ZNF160: variants seen among roughly 807,000 people sequenced by gnomAD.
ZNF160 encodes KRAB zinc finger protein KR18.
Under a neutral mutation model 13.1 loss-of-function variants are expected in ZNF160, and 9 were observed. The ratio of observed to expected loss-of-function variants is 0.69; its 90% CI spans 0.41 to 1.20. The LOEUF (loss-of-function observed/expected upper bound fraction) is 1.20, where lower values mean the gene tolerates loss of function less well. Ranked by LOEUF, ZNF160 falls within the 50% of genes most tolerant of loss-of-function variation. The pLI is 0.01. For missense variants in ZNF160, 838 were observed against 988.0 expected (o/e 0.85, Z 2.04); for synonymous variants, 293 against 333.2 (o/e 0.88, Z 1.31).
intron 3 of ZNF160, 49 bp downstream of exon 3, chr19:53,086,213 G>C: frequency 6.5e-7 from 1 of 1,546,678 alleles, no homozygotes; most frequent in Non-Finnish European, 8.8e-7. Flanking sequence ...CCAATGCCAG[G>C]CATTTCAGGA....
chr19:53,078,403 C>G (rs945007006), intron 3 of ZNF160, among the ~76,000 whole-genome samples: 5 of 151,430 alleles, frequency 3.3e-5, no homozygotes, highest in African/African-American at 4.9e-5. Context: ...AAGTGAGACC[C>G]CATCTCTAAA....
intron 1 of ZNF160, among the ~76,000 whole-genome samples, chr19:53,096,761 C>T (rs1030747543): frequency 3.1e-5 from 4 of 127,218 alleles, no homozygotes; most frequent in Admixed American, 3.1e-4. Context: ...CAGACCAACC[C>T]GTCCTCTCCC....
chr19:53,089,668 T>C (rs1315002630), intron 2 of ZNF160, among the ~76,000 whole-genome samples: 1 of 152,174 alleles, frequency 6.6e-6, no homozygotes, highest in Non-Finnish European at 1.5e-5. Flanking sequence ...ATCTGTTAGA[T>C]TATAAAGACA....
chr19:53,074,321 G>A, intron 4 of ZNF160, 53 bp from the exon 5 acceptor site: 3 of 1,604,732 alleles, frequency 1.9e-6, no homozygotes, highest in Non-Finnish European at 2.6e-6. Context: ...CAGAATCCCA[G>A]CCCTATGTTT....
intron 5 of ZNF160, 134 bp downstream of exon 5, chr19:53,074,006 T>G (rs1347302571): frequency 1.2e-6 from 1 of 801,194 alleles, no homozygotes; most frequent in Non-Finnish European, 2.0e-6. Flanking sequence ...GTCAGGCTGG[T>G]CTCGAACTCC....
At position 53,069,328 on chromosome 19, in the gene ZNF160, G is replaced by T; in HGVS notation, c.1206C>A (p.Cys402Ter). 1 of 1,612,910 alleles carries T rather than the reference G, an allele frequency of 6.2e-7. No homozygotes were observed. Among genetic ancestry groups the T allele is most frequent in the Non-Finnish European group, 8.5e-7 (1 of 1,179,492 alleles). Residue 402 changes from cysteine to a stop codon, truncating the protein, a stop_gained, in exon 6 of 6, where the codon TGC becomes TGA. Transcript: ENST00000683776. LOFTEE classifies it low-confidence loss of function (END_TRUNC). The surrounding 1 kb of genome is among the most constrained non-coding windows in gnomAD (Gnocchi z 4.4). The part of the protein sequence containing the change: ...TGEKPYKCNE[C>*]GKAFSVRSSL... Reference sequence around the variant, plus strand: ...TTGAACGAACACTAAAGGCTTTGCCGCACTCATTGCACTTGTAAGGTTTCT... The same window carrying T: ...TTGAACGAACACTAAAGGCTTTGCCTCACTCATTGCACTTGTAAGGTTTCT...
chr19:53,077,771 AT>A (rs1000362085), intron 3 of ZNF160, among the ~76,000 whole-genome samples: 4 of 151,772 alleles, frequency 2.6e-5, no homozygotes, highest in African/African-American at 9.7e-5. Flanking sequence ...ATATATATAT[AT>A]ATACATTATC....
chr19:53,076,933 T>A (rs934538836), intron 3 of ZNF160: 2 of 152,206 alleles, frequency 1.3e-5, no homozygotes, highest in Non-Finnish European at 2.9e-5. Context: ...TCTTTTTTCC[T>A]GTAACACAAC....
intron 3 of ZNF160, chr19:53,076,873 G>A (rs1161502090): frequency 3.9e-5 from 6 of 152,148 alleles, no homozygotes; most frequent in Admixed American, 3.9e-4. Context: ...ATTTTCTCCT[G>A]GGGAGAGAAA....
chr19:53,075,788 T>G (rs748642538), intron 3 of ZNF160: 1 of 518,972 alleles, frequency 1.9e-6, no homozygotes, highest in South Asian at 1.4e-5. Flanking sequence ...TCAAGCAAAC[T>G]AATCAATTTC....
At chr19:53,073,280 A>G in intron 5 of ZNF160, 1 of 1,553,664 alleles carries the variant, frequency 6.4e-7, no homozygotes, top group South Asian at 1.2e-5. Context: ...TGTAAGACTG[A>G]GGATCAATGA....
chr19:53,094,574 C>CA (rs2145955406), intron 1 of ZNF160, among the ~76,000 whole-genome samples: 2 of 152,214 alleles, frequency 1.3e-5, no homozygotes, highest in Non-Finnish European at 2.9e-5. Flanking sequence ...CACCTGCAAA[C>CA]AAAATGAGTT....
At position 53,067,684 on chromosome 19, in the gene ZNF160, G is replaced by A. The variant is rs893958293; in HGVS notation, c.*393C>T. 17 of 161,868 alleles carry A rather than the reference G, an allele frequency of 1.1e-4. No homozygotes were observed. The highest frequency in any genetic ancestry group is 9.3e-4 in the Admixed American group (15 of 16,130). The allele number at this position is 161,868 out of a possible 1,614,324, so 10.0% of individuals were successfully genotyped here. A position where few individuals can be genotyped will look rare whatever the true frequency, so the allele number is the denominator to read the frequency against. On this transcript the variant is annotated 3_prime_UTR_variant, in exon 6 of 6. Transcript: ENST00000683776. ...CCTACAAATATCCTGCAACCTTTTC[G>A]TATGTGAGTTAAAAATATATAATTT...
chr19:53,084,530 A>G (rs2084758305), intron 3 of ZNF160, among the ~76,000 whole-genome samples: 1 of 152,222 alleles, frequency 6.6e-6, no homozygotes, highest in Non-Finnish European at 1.5e-5. Flanking sequence ...CCCTGTCTCA[A>G]AAAATGTAGT....
At chr19:53,092,916 C>T (rs6509724) in intron 1 of ZNF160, among the ~76,000 whole-genome samples, 85,738 of 151,932 alleles carry the variant, frequency 0.56, 24,558 homozygotes, top group Non-Finnish European at 0.6. Context: ...CTCTGTGTTA[C>T]GCAATATTGC....
chr19:53,075,177 A>G lies in ZNF160; in HGVS notation c.22T>C (p.Leu8=), dbSNP rs753524797. 6.2e-7 allele frequency: 1 copy of G among 1,613,978 alleles called. No homozygotes were observed. The highest frequency in any genetic ancestry group is 8.5e-7 in the Non-Finnish European group (1 of 1,179,946). Residue 8 remains leucine, a synonymous_variant, in exon 4 of 6, where the codon TTG becomes CTG. Coordinates refer to ENST00000683776, the MANE Select transcript of ZNF160 (RefSeq NM_001322131.2). ...TCTATGGCCACATCCCTAAATGTCA[A>G]CCGTACCTAAAATGAAAAACACATT... MALTQVR[L]TFRDVAIEFS... is the part of the protein sequence containing the mutation.
chr19:53,073,452 G>C, intron 5 of ZNF160: 2 of 1,598,394 alleles, frequency 1.3e-6, no homozygotes, highest in South Asian at 1.1e-5. Flanking sequence ...TCTTCCATGA[G>C]GTTTGGGGCA....
At chr19:53,074,086 C>T in intron 5 of ZNF160, 54 bp downstream of exon 5, 3 of 1,575,144 alleles carry the variant, frequency 1.9e-6, no homozygotes, top group Non-Finnish European at 2.6e-6. Flanking sequence ...TACTGTGCCC[C>T]CTCCCACACT....
chr19:53,085,290 T>C, intron 3 of ZNF160: 1 of 839,488 alleles, frequency 1.2e-6, no homozygotes, highest in South Asian at 5.5e-5. Flanking sequence ...ACTGAGGAAT[T>C]TGTTTAAATC....
Sources: allele counts gnomAD v4.1 joint callset (sites outside exome capture counted in the v4.1 genomes callset), GRCh38; gene constraint gnomAD v4.1.1; non-coding constraint Gnocchi (gnomAD v3.1); transcripts MANE v1.5; gene names NCBI Gene and HGNC (gene_info 2026-07-23, HGNC 2026-07-21).